SLC8A3: variants seen among roughly 807,000 people sequenced by gnomAD.
The protein encoded by SLC8A3 is solute carrier family 8 member A3, also known as sodium/calcium exchanger 3.
A neutral mutation model predicts 65.4 loss-of-function variants in SLC8A3; 37 were observed. The observed-to-expected ratio is 0.57, with a 90% CI of 0.44 to 0.74. The LOEUF is 0.74. Ranked by LOEUF, SLC8A3 falls within the 30% of genes least tolerant of loss-of-function variation. The pLI, the probability that SLC8A3 is intolerant of heterozygous loss-of-function variation, is 0.00. For synonymous variants in SLC8A3, 461 were observed against 444.5 expected, an observed-to-expected ratio of 1.04 and a Z score of -0.47; for missense variants, 1,112 against 1,172.1, an observed-to-expected ratio of 0.95 and a Z score of 0.75.
chr14:70,072,358 A>C (rs1890084214), intron 2 of SLC8A3, among the ~76,000 whole-genome samples: 1 of 152,076 alleles, frequency 6.6e-6, no homozygotes, highest in Non-Finnish European at 1.5e-5. Flanking sequence ...AGGATCACTC[A>C]CTCTGTTTCC....
chr14:70,054,715 G>GT (rs1310082098), intron 3 of SLC8A3, among the ~76,000 whole-genome samples: 8 of 151,948 alleles, frequency 5.3e-5, no homozygotes, highest in Non-Finnish European at 1.0e-4. Context: ...GAGTAACTGT[G>GT]TTTTTTCCAC....
intron 2 of SLC8A3, among the ~76,000 whole-genome samples, chr14:70,061,972 G>C (rs1888849392): frequency 6.6e-6 from 1 of 152,154 alleles, no homozygotes. Context: ...TCTTTGTCAT[G>C]TGGAGAGGTT....
intron 2 of SLC8A3, among the ~76,000 whole-genome samples, chr14:70,083,015 C>G (rs1202375179): frequency 6.6e-6 from 1 of 152,078 alleles, no homozygotes; most frequent in African/African-American, 2.4e-5. Flanking sequence ...GGAGACGTGA[C>G]CTAGTCACAC....
chr14:70,165,779 C>G lies in SLC8A3; in HGVS notation c.1784+860G>C, dbSNP rs532199490. ...TGTAATACCCACAGTTTCTGAAGGGCTGAATGGGGCAGTAGCCCAAGAAGA... is the reference window on the plus strand; with the variant it reads ...TGTAATACCCACAGTTTCTGAAGGGGTGAATGGGGCAGTAGCCCAAGAAGA... On this transcript the variant is annotated intron_variant, in intron 2 of 6. Transcript: ENST00000356921. Among the ~76,000 whole-genome samples the G allele has an allele frequency of 1.1e-4, 16 of 152,328 alleles. No individual in the cohort carries two copies. The East Asian group carries it at 2.9e-3, about 28-fold the overall frequency.
At chr14:70,067,578 C>T (rs140102085) in intron 2 of SLC8A3, among the ~76,000 whole-genome samples, 181 of 152,316 alleles carry the variant, frequency 1.2e-3, no homozygotes, top group African/African-American at 4.1e-3. Flanking sequence ...GAATTTCTAA[C>T]ACACTTGAGA....
intron 2 of SLC8A3, among the ~76,000 whole-genome samples, chr14:70,097,545 A>C (rs935943079): frequency 2.0e-5 from 3 of 152,234 alleles, no homozygotes; most frequent in Non-Finnish European, 2.9e-5. Context: ...TCTGTGCCTC[A>C]GTTTCCTTGT....
chr14:70,163,360 C>T (rs1425656483), intron 2 of SLC8A3, among the ~76,000 whole-genome samples: 1 of 152,194 alleles, frequency 6.6e-6, no homozygotes, highest in Non-Finnish European at 1.5e-5. Context: ...CTGCTAAAAG[C>T]ACCTTTGAAG....
At chr14:70,066,661 A>G (rs1889462948) in intron 2 of SLC8A3, among the ~76,000 whole-genome samples, 1 of 152,156 alleles carries the variant, frequency 6.6e-6, no homozygotes, top group Non-Finnish European at 1.5e-5. Context: ...AAATACAAAA[A>G]TTAGCCAGCC....
At chr14:70,130,355 G>T (rs927832495) in intron 2 of SLC8A3, among the ~76,000 whole-genome samples, 7 of 152,334 alleles carry the variant, frequency 4.6e-5, no homozygotes, top group Admixed American at 4.6e-4. Flanking sequence ...GCTGATGGCT[G>T]GGGGGCAGAT....
intron 1 of SLC8A3, among the ~76,000 whole-genome samples, chr14:70,181,941 G>C (rs758851179): frequency 2.6e-5 from 4 of 152,084 alleles, no homozygotes; most frequent in Non-Finnish European, 5.9e-5. Flanking sequence ...GGATTAAATG[G>C]GAAAATCAAC....
At chr14:70,126,975 G>C (rs1894500073) in intron 2 of SLC8A3, among the ~76,000 whole-genome samples, 1 of 152,046 alleles carries the variant, frequency 6.6e-6, no homozygotes, top group Non-Finnish European at 1.5e-5. Flanking sequence ...AACCTATATT[G>C]AGTTTATTCA....
At chr14:70,170,134 G>A (rs11850592) in intron 1 of SLC8A3, among the ~76,000 whole-genome samples, 23,075 of 151,808 alleles carry the variant, frequency 0.15, 1,860 homozygotes, top group Middle Eastern at 0.18. Context: ...TAAGCATATC[G>A]CTCCCCTGTT....
At chr14:70,132,307 GC>G (rs1400153021) in intron 2 of SLC8A3, among the ~76,000 whole-genome samples, 1 of 152,218 alleles carries the variant, frequency 6.6e-6, no homozygotes, top group Non-Finnish European at 1.5e-5. Context: ...ATATTTGGGA[GC>G]CCATCCCTTT....
intron 2 of SLC8A3, among the ~76,000 whole-genome samples, chr14:70,066,294 A>G (rs1889418280): frequency 6.6e-6 from 1 of 152,188 alleles, no homozygotes; most frequent in African/African-American, 2.4e-5. Context: ...TCAAGTCACA[A>G]ATGAGGCTTT....
intron 2 of SLC8A3, among the ~76,000 whole-genome samples, chr14:70,112,555 G>A (rs952270970): frequency 4.6e-5 from 7 of 152,144 alleles, no homozygotes; most frequent in Non-Finnish European, 1.0e-4. Context: ...GACTGTAGAC[G>A]AGCCAAGGTT....
intron 1 of SLC8A3, among the ~76,000 whole-genome samples, chr14:70,171,743 T>A (rs1378815664): frequency 6.6e-6 from 1 of 152,084 alleles, no homozygotes; most frequent in Non-Finnish European, 1.5e-5. Context: ...GAGGTTGCAG[T>A]GAGCCAAGAT....
rs760686903 is a variant in SLC8A3 at position 70,167,577 on chromosome 14, A to G, written c.846T>C (p.Pro282=). The change falls in exon 2 of 7, where the codon CCT becomes CCC. Residue 282 remains proline, a synonymous_variant. Coordinates refer to ENST00000356921, the MANE Select transcript of SLC8A3 (RefSeq NM_182932.3). ...GIIIETEGDH[P]KGIEMDGKMM... Reference sequence around the variant, plus strand: ...TTTTCCCATCCATCTCAATGCCCTTAGGGTGGTCACCCTCTGTCTCTATGA... The same window carrying G: ...TTTTCCCATCCATCTCAATGCCCTTGGGGTGGTCACCCTCTGTCTCTATGA... The G allele has an allele frequency of 1.2e-6, 2 of 1,614,094 alleles. No homozygotes were observed. The highest frequency in any genetic ancestry group is 1.7e-6 in the Non-Finnish European group (2 of 1,180,024).
intron 1 of SLC8A3, among the ~76,000 whole-genome samples, chr14:70,172,578 C>T (rs1467184582): frequency 3.9e-5 from 6 of 151,992 alleles, no homozygotes; most frequent in Non-Finnish European, 5.9e-5. Context: ...CTGCCTGCTG[C>T]AGCCTCCCAT....
At chr14:70,053,529 C>T (rs1887728691) in intron 3 of SLC8A3, among the ~76,000 whole-genome samples, 1 of 152,204 alleles carries the variant, frequency 6.6e-6, no homozygotes, top group Non-Finnish European at 1.5e-5. Flanking sequence ...TTATTCCACT[C>T]CTTCCTCCCC....
Sources: allele counts gnomAD v4.1 joint callset (sites outside exome capture counted in the v4.1 genomes callset), GRCh38; gene constraint gnomAD v4.1.1; transcripts MANE v1.5; gene names NCBI Gene and HGNC (gene_info 2026-07-23, HGNC 2026-07-21).